Variants in PRAMEF19 observed in about 807,000 individuals in gnomAD.
The protein encoded by PRAMEF19 is PRAME family member 19.
PRAMEF19 carries 21 observed loss-of-function variants against 33.1 expected under a neutral mutation model. The observed-to-expected ratio is 0.63, with a 90% CI of 0.45 to 0.91. The LOEUF (loss-of-function observed/expected upper bound fraction) is 0.91. Among genes scored for constraint, PRAMEF19 ranks in the 40% least tolerant of loss-of-function variants. PRAMEF19 has a pLI of 0.00. For missense variants in PRAMEF19, 481 were observed against 585.2 expected (o/e 0.82, Z 1.84); for synonymous variants, 179 against 229.3 (o/e 0.78, Z 1.98).
At chr1:13,370,446 G>C (rs4026262) in intron 2 of PRAMEF19, among the ~76,000 whole-genome samples, 6,942 of 149,282 alleles carry the variant, frequency 0.047, 314 homozygotes, top group East Asian at 0.26. Flanking sequence ...TAGCGTCTAT[G>C]CCAGGTCATC....
chr1:13,369,508 G>A (rs747673583), exon 3 of PRAMEF19: 2 of 1,613,868 alleles, frequency 1.2e-6, no homozygotes. Context: ...GACGGATGAA[G>A]CGCAGTGTAC....
downstream of PRAMEF19, chr1:13,369,047 C>G: frequency 8.1e-6 from 13 of 1,611,928 alleles, no homozygotes; most frequent in Non-Finnish European, 1.0e-5. Flanking sequence ...GGAGAAAAAG[C>G]TTTTTATACC....
chr1:13,371,741 C>A, exon 1 of PRAMEF19: 1 of 1,610,168 alleles, frequency 6.2e-7, no homozygotes, highest in Non-Finnish European at 8.5e-7. Context: ...TGCACCATCA[C>A]CTTCAGAACC....
intron 2 of PRAMEF19, among the ~76,000 whole-genome samples, 173 bp downstream of exon 2, chr1:13,370,476 G>A (rs1320114023): frequency 1.4e-4 from 22 of 152,130 alleles, no homozygotes; most frequent in Non-Finnish European, 2.6e-4. Flanking sequence ...TTACTGGAGC[G>A]ATCCTGTGAT....
chr1:13,371,556 T>C, intron 1 of PRAMEF19, 58 bp downstream of exon 1: 2 of 1,610,280 alleles, frequency 1.2e-6, no homozygotes, highest in East Asian at 4.5e-5. Context: ...TCCCAATTTG[T>C]CTGACCCAGC....
chr1:13,369,461 G>A (rs775758494), exon 3 of PRAMEF19: 3 of 1,613,984 alleles, frequency 1.9e-6, no homozygotes, highest in Non-Finnish European at 2.5e-6. Context: ...CTGAAGAGTG[G>A]CAGCAACTTT....
At chr1:13,371,836 G>T in exon 1 of PRAMEF19, 1 of 1,611,948 alleles carries the variant, frequency 6.2e-7, no homozygotes, top group Non-Finnish European at 8.5e-7. Flanking sequence ...GATGGCCAAG[G>T]CCTGGTCCCT....
exon 3 of PRAMEF19, chr1:13,369,147 G>A (rs1356549848): frequency 1.7e-5 from 28 of 1,611,810 alleles, no homozygotes; most frequent in Non-Finnish European, 2.3e-5. Context: ...CAGGAGACGG[G>A]ACCAAAGAAG....
upstream of PRAMEF19, chr1:13,371,924 C>G (rs1481295726): frequency 6.2e-7 from 1 of 1,611,814 alleles, no homozygotes; most frequent in Non-Finnish European, 8.5e-7. Flanking sequence ...CAAGAAAAAT[C>G]CAGAGAAAAG....
chr1:13,368,870 T>G (rs1398654059), downstream of PRAMEF19, among the ~76,000 whole-genome samples: 4 of 152,142 alleles, frequency 2.6e-5, no homozygotes, highest in African/African-American at 9.7e-5. Context: ...TCCCAGAATC[T>G]TGGGAGGCCA....
At chr1:13,369,987 A>G (rs1270432379) in intron 2 of PRAMEF19, among the ~76,000 whole-genome samples, 1 of 152,034 alleles carries the variant, frequency 6.6e-6, no homozygotes, top group Non-Finnish European at 1.5e-5. Context: ...GACATCAGCT[A>G]GGGCTACCTG....
At chr1:13,370,402 C>G (rs1431147477) in intron 2 of PRAMEF19, among the ~76,000 whole-genome samples, 4 of 152,020 alleles carry the variant, frequency 2.6e-5, no homozygotes, top group African/African-American at 9.7e-5. Flanking sequence ...CTGAACCCCC[C>G]ACTAACCAGC....
In PRAMEF19 at chr1:13,370,783, AC is replaced by A; in HGVS notation, c.731del (p.Gly244ValfsTer12). ...CTTGGCTCTCAAAGCTTGGCAGGTA[AC>A]CACAGCCATCGGAGATGAAGAGTTT... On this transcript the variant is annotated frameshift_variant, in exon 2 of 3. Transcript: ENST00000376101. LOFTEE classifies it high-confidence loss of function. 1.2e-6 allele frequency: 2 copies of A among 1,613,972 alleles called. No homozygotes were observed. The highest frequency in any genetic ancestry group is 1.7e-6 in the Non-Finnish European group (2 of 1,179,866).
chr1:13,370,597 C>T, intron 2 of PRAMEF19, 52 bp downstream of exon 2: 1 of 1,610,208 alleles, frequency 6.2e-7, no homozygotes, highest in East Asian at 2.2e-5. Flanking sequence ...TTTACTGTAA[C>T]AAAAAAAGGC....
At chr1:13,370,953 A>T in exon 2 of PRAMEF19, 1 of 1,613,088 alleles carries the variant, frequency 6.2e-7, no homozygotes, top group Non-Finnish European at 8.5e-7. Flanking sequence ...TTCATTGAAT[A>T]ATTTACCACC....
exon 2 of PRAMEF19, chr1:13,370,924 G>T: frequency 6.2e-7 from 1 of 1,613,804 alleles, no homozygotes; most frequent in Non-Finnish European, 8.5e-7. Context: ...TTTCTAATAT[G>T]TTTCTGAAAT....
chr1:13,371,868 C>T (rs1640676792), exon 1 of PRAMEF19: 5 of 1,611,904 alleles, frequency 3.1e-6, no homozygotes, highest in Non-Finnish European at 4.2e-6. Flanking sequence ...GCCCTGCCAG[C>T]TCCAGGAGTC....
exon 3 of PRAMEF19, chr1:13,369,619 C>T (rs1640647000): frequency 1.2e-6 from 2 of 1,613,822 alleles, no homozygotes; most frequent in Non-Finnish European, 1.7e-6. Context: ...ATGCCAATGT[C>T]TCCAACGGGC....
At chr1:13,370,698 A>G in exon 2 of PRAMEF19, 4 of 1,613,940 alleles carry the variant, frequency 2.5e-6, no homozygotes, top group Non-Finnish European at 3.4e-6. Context: ...CTTCTCATAT[A>G]AAGCATCTGG....
Sources: gnomAD v4.1 joint callset for allele counts (sites outside exome capture counted in the v4.1 genomes callset) on GRCh38, gnomAD v4.1.1 for gene constraint, MANE v1.5 for transcripts, NCBI Gene and HGNC (gene_info 2026-07-23, HGNC 2026-07-21) for gene names.